SCG5: variants seen among roughly 807,000 people sequenced by gnomAD.
SCG5 encodes neuroendocrine protein 7B2.
A neutral mutation model predicts 25.7 loss-of-function variants in SCG5; 18 were observed. That is an observed-to-expected ratio of 0.70 (90% CI 0.48 to 1.04). The LOEUF is 1.04. Among genes scored for constraint, SCG5 ranks in the 50% least tolerant of loss-of-function variants. The pLI, the probability that SCG5 is intolerant of heterozygous loss-of-function variation, is 0.00. For synonymous variants in SCG5, 101 were observed against 91.7 expected, an observed-to-expected ratio of 1.10 and a Z score of -0.58; for missense variants, 206 against 259.8, an observed-to-expected ratio of 0.79 and a Z score of 1.42.
At chr15:32,652,672 G>A (rs1383236148) in intron 2 of SCG5, among the ~76,000 whole-genome samples, 1 of 152,144 alleles carries the variant, frequency 6.6e-6, no homozygotes, top group Non-Finnish European at 1.5e-5. Flanking sequence ...TGCAAGCACT[G>A]TACTAATTCT....
In SCG5 at chr15:32,652,478, C is replaced by T. The variant is rs535861336; in HGVS notation, c.226+8660C>T. On this transcript the variant is annotated intron_variant, in intron 2 of 5. Transcript: ENST00000300175. ...TTGCTGAAGTGCTAATTGCTAAGAA[C>T]CAGCAGAGAGGGAGAGTTGAAGATG... Among the ~76,000 whole-genome samples, 89 of 152,124 alleles carry T rather than the reference C, an allele frequency of 5.9e-4. 1 individual carries two copies. The South Asian group carries it at 0.011, about 19-fold the overall frequency.
In SCG5 at chr15:32,681,300, T is replaced by C. The variant is rs77827815; in HGVS notation, c.376+1385T>C. 7.4e-3 allele frequency among the ~76,000 whole-genome samples: 1,124 copies of C among 152,196 alleles called. 10 individuals are homozygous for C. Among genetic ancestry groups the C allele is most frequent in the East Asian group, 0.047 (243 of 5,152 alleles). ...CACCAATCTAATATTATTTCTACTT[T>C]ATATTAAGAAAACAGAAGCTTAGAG... On this transcript the variant is annotated intron_variant, in intron 3 of 5. Coordinates refer to ENST00000300175, the MANE Select transcript of SCG5 (RefSeq NM_001144757.3).
At chr15:32,674,190 C>T (rs1445263940) in intron 2 of SCG5, among the ~76,000 whole-genome samples, 2 of 152,124 alleles carry the variant, frequency 1.3e-5, no homozygotes, top group Admixed American at 1.3e-4. Context: ...GGAAAATTCT[C>T]CTTTAAAATG....
chr15:32,676,213 A>G (rs1207568559), intron 2 of SCG5, among the ~76,000 whole-genome samples: 1 of 152,214 alleles, frequency 6.6e-6, no homozygotes, highest in African/African-American at 2.4e-5. Context: ...TTGATCTGAC[A>G]TCATTAAATG....
chr15:32,669,176 C>T (rs1301015716), intron 2 of SCG5: 1 of 152,164 alleles, frequency 6.6e-6, no homozygotes, highest in Non-Finnish European at 1.5e-5. Context: ...AGTAGAGAAG[C>T]TTACCCAAAG....
intron 5 of SCG5, among the ~76,000 whole-genome samples, chr15:32,696,270 A>G (rs2054959362): frequency 6.6e-6 from 1 of 151,860 alleles, no homozygotes; most frequent in African/African-American, 2.4e-5. Context: ...GGCACCCACC[A>G]CCACGCCCGG....
intron 2 of SCG5, among the ~76,000 whole-genome samples, chr15:32,672,743 C>T (rs2054454671): frequency 6.6e-6 from 1 of 152,084 alleles, no homozygotes; most frequent in African/African-American, 2.4e-5. Flanking sequence ...GAACACAGGG[C>T]TGGAATCCAA....
At position 32,643,727 on chromosome 15, in the gene SCG5, T is replaced by C. The variant is rs763500021; in HGVS notation, c.135T>C (p.His45=). ...VSEADIQRLL[H]GVMEQLGIAR... ...AAGCAGATATCCAGAGGCTGCTTCATGGTGTTATGGAGCAATTGGGCATTG... is the reference window on the plus strand; with the variant it reads ...AAGCAGATATCCAGAGGCTGCTTCACGGTGTTATGGAGCAATTGGGCATTG... The change falls in exon 2 of 6, where the codon CAT becomes CAC. Residue 45 remains histidine, a synonymous_variant. Transcript: ENST00000300175. The C allele has an allele frequency of 1.8e-5, 29 of 1,613,860 alleles. No individual in the cohort carries two copies. Among genetic ancestry groups the C allele is most frequent in the Non-Finnish European group, 2.4e-5 (28 of 1,179,890 alleles).
At chr15:32,646,469 T>C (rs2053945668) in intron 2 of SCG5, among the ~76,000 whole-genome samples, 1 of 152,220 alleles carries the variant, frequency 6.6e-6, no homozygotes, top group Non-Finnish European at 1.5e-5. Flanking sequence ...GTAAGCCACA[T>C]GCCTTCTCAT....
rs530995010 is a variant in SCG5, at chr15:32,655,437, C to T, written c.226+11619C>T. Among the ~76,000 whole-genome samples, 306 of 152,258 alleles carry T rather than the reference C, an allele frequency of 2.0e-3. 1 individual carries two copies. The highest frequency in any genetic ancestry group is 3.0e-3 in the Non-Finnish European group (206 of 68,008). ...TTTCCTCCCCTTGTCCCCTTAAGTTCGGCACCACCATGCCCTTCAGCTATG... is the reference window on the plus strand; with the variant it reads ...TTTCCTCCCCTTGTCCCCTTAAGTTTGGCACCACCATGCCCTTCAGCTATG... On this transcript the variant is annotated intron_variant, in intron 2 of 5. Transcript: ENST00000300175.
At chr15:32,680,854 C>A (rs550450318) in intron 3 of SCG5, among the ~76,000 whole-genome samples, 4 of 152,308 alleles carry the variant, frequency 2.6e-5, no homozygotes, top group African/African-American at 9.6e-5. Flanking sequence ...CACTTACATC[C>A]GGCTTTGAGC....
chr15:32,654,478 G>C (rs1307907499), intron 2 of SCG5, among the ~76,000 whole-genome samples: 1 of 152,136 alleles, frequency 6.6e-6, no homozygotes, highest in Non-Finnish European at 1.5e-5. Flanking sequence ...GCTGGACCCC[G>C]GTGTTTTCCT....
At chr15:32,683,376 A>G (rs1010683250) in intron 3 of SCG5, among the ~76,000 whole-genome samples, 6 of 152,180 alleles carry the variant, frequency 3.9e-5, no homozygotes, top group Admixed American at 3.9e-4. Context: ...GCTGTTGTCT[A>G]AAATATATTA....
intron 1 of SCG5, 122 bp from the exon 2 acceptor site, chr15:32,643,464 T>C: frequency 1.4e-6 from 1 of 739,250 alleles, no homozygotes; most frequent in Admixed American, 2.3e-5. Context: ...TAAGGATTCT[T>C]TGTTACAACC....
chr15:32,659,245 C>T (rs934471952), intron 2 of SCG5, among the ~76,000 whole-genome samples: 1 of 152,174 alleles, frequency 6.6e-6, no homozygotes, highest in African/African-American at 2.4e-5. Context: ...CCCCTGCACT[C>T]GCACTGCACA....
intron 2 of SCG5, among the ~76,000 whole-genome samples, chr15:32,678,909 A>G (rs1051980867): frequency 1.3e-5 from 2 of 152,236 alleles, no homozygotes; most frequent in Admixed American, 1.3e-4. Flanking sequence ...ATGAATATAT[A>G]CTTAGTATAA....
chr15:32,690,063 G>A (rs1031664982), intron 4 of SCG5, among the ~76,000 whole-genome samples: 2 of 152,104 alleles, frequency 1.3e-5, no homozygotes, highest in Non-Finnish European at 1.5e-5. Context: ...GGATGGTCTC[G>A]ATCTCCTGAC....
intron 1 of SCG5, among the ~76,000 whole-genome samples, chr15:32,643,017 C>T (rs1240655771): frequency 6.6e-6 from 1 of 152,156 alleles, no homozygotes; most frequent in East Asian, 1.9e-4. Flanking sequence ...CAGCAGATTG[C>T]AGGGCTGGAT....
intron 2 of SCG5, chr15:32,677,527 G>T (rs1412706194): frequency 6.6e-6 from 1 of 152,234 alleles, no homozygotes; most frequent in Non-Finnish European, 1.5e-5. Flanking sequence ...GGACAAGGGA[G>T]CCTCATTCAA....
Sources: allele counts gnomAD v4.1 joint callset (sites outside exome capture counted in the v4.1 genomes callset), GRCh38; gene constraint gnomAD v4.1.1; transcripts MANE v1.5; gene names NCBI Gene and HGNC (gene_info 2026-07-23, HGNC 2026-07-21).